The following SMURF2 variants were observed in gnomAD, a reference collection of about 807,000 sequenced individuals.
SMURF2 encodes the protein E3 ubiquitin-protein ligase SMURF2.
Under a neutral mutation model 109.6 loss-of-function variants are expected in SMURF2, and 48 were observed. That is an observed-to-expected ratio of 0.44 (90% CI 0.35 to 0.56). SMURF2 has a LOEUF of 0.56. Among genes scored for constraint, SMURF2 ranks in the 20% least tolerant of loss-of-function variants. The probability of loss-of-function intolerance (pLI) is 0.01; values close to 1 mark genes in which losing one functional copy is unlikely to be tolerated. For missense variants in SMURF2, 575 were observed against 909.0 expected (o/e 0.63, Z 4.72); for synonymous variants, 288 against 317.1 (o/e 0.91, Z 0.97).
chr17:64,623,651 C>T (rs1315120529), intron 1 of SMURF2, among the ~76,000 whole-genome samples: 1 of 152,200 alleles, frequency 6.6e-6, no homozygotes, highest in Non-Finnish European at 1.5e-5. Flanking sequence ...TCTATAATGG[C>T]GTATTGCCAT....
At position 64,547,641 on chromosome 17, in the gene SMURF2, C is replaced by G; in HGVS notation, c.2030G>C (p.Gly677Ala). Reference sequence around the variant, plus strand: ...GCCCTGCAGAGGCACTCGAGAGGATCCTGTCACAAACTGAAGCAATCTTGC... The same window carrying G: ...GCCCTGCAGAGGCACTCGAGAGGATGCTGTCACAAACTGAAGCAATCTTGC... ...RRARLLQFVTGSSRVPLQGFK... is the reference protein window; with the variant it reads ...RRARLLQFVTASSRVPLQGFK... Residue 677 changes from glycine (G) to alanine (A), a missense_variant, in exon 17 of 19, where the codon GGA (glycine) becomes GCA (alanine). Around this residue, in one of 5 missense-constraint regions of SMURF2, gnomAD observed 361 missense variants for 612.1 expected, o/e 0.59. Transcript: ENST00000262435. This position sits in a 1 kb window ranked among gnomAD's most constrained non-coding sequence, Gnocchi z 4.2. The G allele has an allele frequency of 1.9e-6, 3 of 1,613,994 alleles. No individual in the cohort carries two copies. The highest frequency in any genetic ancestry group is 2.5e-6 in the Non-Finnish European group (3 of 1,180,000).
intron 1 of SMURF2, among the ~76,000 whole-genome samples, chr17:64,637,638 A>T (rs1167294042): frequency 2.0e-5 from 3 of 151,482 alleles, no homozygotes; most frequent in Non-Finnish European, 4.4e-5. Context: ...ATCTTGGCTC[A>T]CTGTAACTGC....
At chr17:64,562,533 C>T (rs1172986847) in intron 11 of SMURF2, among the ~76,000 whole-genome samples, 4 of 151,514 alleles carry the variant, frequency 2.6e-5, no homozygotes, top group Admixed American at 1.3e-4. Context: ...GCATGTGCCA[C>T]CATGCCCAGC....
intron 1 of SMURF2, among the ~76,000 whole-genome samples, chr17:64,636,791 A>G (rs1199388800): frequency 2.0e-5 from 3 of 151,912 alleles, no homozygotes; most frequent in African/African-American, 4.8e-5. Context: ...AAAAAGAAAA[A>G]AAAAAAAAGA....
At chr17:64,640,188 A>G (rs1226908604) in intron 1 of SMURF2, among the ~76,000 whole-genome samples, 2 of 152,216 alleles carry the variant, frequency 1.3e-5, no homozygotes, top group East Asian at 3.8e-4. Context: ...TAAATAAATG[A>G]ATATTAAAAG....
At chr17:64,556,856 TTTTG>T (rs1383725859) in intron 13 of SMURF2, among the ~76,000 whole-genome samples, 4 of 152,208 alleles carry the variant, frequency 2.6e-5, no homozygotes, top group Admixed American at 6.5e-5. Context: ...TTTATCTTGT[TTTTG>T]TTTCTTTTTT....
intron 9 of SMURF2, among the ~76,000 whole-genome samples, chr17:64,574,122 C>G (rs1969455816): frequency 6.6e-6 from 1 of 151,572 alleles, no homozygotes; most frequent in South Asian, 2.1e-4. Flanking sequence ...ACCCCTGAAC[C>G]TAAAAGTTAA....
chr17:64,628,500 T>C (rs1446283258), intron 1 of SMURF2, among the ~76,000 whole-genome samples: 2 of 152,204 alleles, frequency 1.3e-5, no homozygotes. Context: ...TCCAAATTCA[T>C]ATACATGTCT....
intron 1 of SMURF2, among the ~76,000 whole-genome samples, chr17:64,656,185 A>G (rs1970703059): frequency 6.6e-6 from 1 of 152,230 alleles, no homozygotes; most frequent in African/African-American, 2.4e-5. Flanking sequence ...AGGAAAAACA[A>G]AACAAAAGTT....
Position 64,662,164 on chromosome 17 carries a change from C to A in SMURF2, c.-284G>T. 1 of 1,034,692 alleles carries A rather than the reference C, an allele frequency of 9.7e-7. No homozygotes were observed. The highest frequency in any genetic ancestry group is 1.2e-6 in the Non-Finnish European group (1 of 862,996). The allele number at this position is 1,034,692 out of a possible 1,614,324, so 64.1% of individuals were successfully genotyped here. ...TCCGCCCGCGCCCCCGCCGCCTCCT[C>A]GCGGCCGCCGAGGCCTTTCCCTCCT... On this transcript the variant is annotated 5_prime_UTR_variant, in exon 1 of 19. Transcript: ENST00000262435.
chr17:64,578,618 G>T, intron 8 of SMURF2, 42 bp from the exon 9 acceptor site: 1 of 1,373,698 alleles, frequency 7.3e-7, no homozygotes, highest in South Asian at 1.2e-5. Context: ...CATTCAGAGT[G>T]TCCAGATCAA....
At chr17:64,585,958 T>G in intron 6 of SMURF2, 128 bp downstream of exon 6, 1 of 492,946 alleles carries the variant, frequency 2.0e-6, no homozygotes, top group Non-Finnish European at 3.4e-6. Flanking sequence ...AATTTTACAA[T>G]TAGAAGGAAA....
intron 1 of SMURF2, among the ~76,000 whole-genome samples, chr17:64,609,498 C>G (rs1417204083): frequency 6.6e-6 from 1 of 152,030 alleles, no homozygotes; most frequent in Non-Finnish European, 1.5e-5. Flanking sequence ...CTTTGACAAA[C>G]CTGACAAAAA....
chr17:64,581,111 A>T lies in SMURF2; in HGVS notation c.570-120T>A. The T allele has an allele frequency of 1.2e-6, 1 of 868,730 alleles. No individual in the cohort carries two copies. Among genetic ancestry groups the T allele is most frequent in the Non-Finnish European group, 1.8e-6 (1 of 563,538 alleles). The allele number at this position is 868,730 out of a possible 1,614,324, so 53.8% of individuals were successfully genotyped here. A position where few individuals can be genotyped will look rare whatever the true frequency, so the allele number is the denominator to read the frequency against. On this transcript the variant is annotated intron_variant, in intron 7 of 18. Transcript: ENST00000262435. This position sits in a 1 kb window ranked among gnomAD's most constrained non-coding sequence, Gnocchi z 4.3. ...ATCATGTCTGAAAACAGAATGACTA[A>T]TACAAGTATAATGACTTCAAGAACT... is the stretch of plus-strand genomic sequence containing the variant.
chr17:64,628,740 A>C (rs996502271), intron 1 of SMURF2, among the ~76,000 whole-genome samples: 1 of 152,200 alleles, frequency 6.6e-6, no homozygotes. Flanking sequence ...GAGGTAAAGA[A>C]AGGGCAGCTC....
At chr17:64,642,997 C>T (rs1970511012) in intron 1 of SMURF2, among the ~76,000 whole-genome samples, 1 of 151,818 alleles carries the variant, frequency 6.6e-6, no homozygotes, top group Non-Finnish European at 1.5e-5. Flanking sequence ...GAGTTTCACC[C>T]TGTTATCCAG....
At chr17:64,584,361 C>CTTTTTTTTTTTTTTTT in intron 6 of SMURF2, among the ~76,000 whole-genome samples, 1 of 112,754 alleles carries the variant, frequency 8.9e-6, no homozygotes, top group South Asian at 3.0e-4. Context: ...CTTTTTTTTT[C>CTTTTTTTTTTTTTTTT]TTTTTTTTTT....
intron 13 of SMURF2, among the ~76,000 whole-genome samples, chr17:64,556,532 A>G (rs1482263793): frequency 3.9e-5 from 6 of 152,214 alleles, no homozygotes; most frequent in African/African-American, 1.4e-4. Context: ...ATATGAGGAT[A>G]ATAACAGTAT....
At chr17:64,598,715 T>G (rs1478329258) in intron 2 of SMURF2, among the ~76,000 whole-genome samples, 1 of 152,246 alleles carries the variant, frequency 6.6e-6, no homozygotes, top group African/African-American at 2.4e-5. Flanking sequence ...AGTCCCAGTT[T>G]AAACTACCAA....
Sources: allele counts gnomAD v4.1 joint callset (sites outside exome capture counted in the v4.1 genomes callset), GRCh38; gene constraint gnomAD v4.1.1; regional missense constraint gnomAD v4.1.1; non-coding constraint Gnocchi (gnomAD v3.1); transcripts MANE v1.5; gene names NCBI Gene and HGNC (gene_info 2026-07-23, HGNC 2026-07-21).